LIPM: variants seen among roughly 807,000 people sequenced by gnomAD.
LIPM encodes lipase family member M.
Under a neutral mutation model 42.4 loss-of-function variants are expected in LIPM, and 42 were observed. The observed-to-expected ratio is 0.99, with a 90% CI of 0.77 to 1.28. The LOEUF (loss-of-function observed/expected upper bound fraction) is 1.28. Among genes scored for constraint, LIPM ranks in the 50% most tolerant of loss-of-function variants. The pLI is 0.00. For synonymous variants in LIPM, 177 were observed against 173.3 expected (o/e 1.02, Z -0.17); for missense variants, 524 against 520.1 (o/e 1.01, Z -0.07).
At chr10:88,814,082 T>A (rs1039728450) in intron 3 of LIPM, among the ~76,000 whole-genome samples, 1 of 152,220 alleles carries the variant, frequency 6.6e-6, no homozygotes, top group Non-Finnish European at 1.5e-5. Flanking sequence ...TTACCTCTCA[T>A]GTTCTTACAA....
intron 2 of LIPM, among the ~76,000 whole-genome samples, chr10:88,810,964 A>T (rs1843648033): frequency 6.6e-6 from 1 of 152,244 alleles, no homozygotes; most frequent in African/African-American, 2.4e-5. Flanking sequence ...TGACCAGATT[A>T]GATTTTCAAG....
intron 8 of LIPM, among the ~76,000 whole-genome samples, chr10:88,819,296 C>G (rs1843757372): frequency 6.6e-6 from 1 of 151,994 alleles, no homozygotes; most frequent in African/African-American, 2.4e-5. Flanking sequence ...AGTAAACAAA[C>G]ACACAAAAAA....
chr10:88,817,657 G>A (rs567269722), intron 7 of LIPM, among the ~76,000 whole-genome samples, 168 bp from the exon 8 acceptor site: 45 of 152,230 alleles, frequency 3.0e-4, no homozygotes, highest in Admixed American at 2.7e-3. Context: ...CCTCATTCTT[G>A]TCTTACCATT....
At chr10:88,812,058 T>A (rs1281202577) in intron 2 of LIPM, among the ~76,000 whole-genome samples, 1 of 152,212 alleles carries the variant, frequency 6.6e-6, no homozygotes, top group Non-Finnish European at 1.5e-5. Context: ...GTCTCCTTCA[T>A]AAACAAACAA....
intron 8 of LIPM, among the ~76,000 whole-genome samples, chr10:88,818,855 A>G (rs1397009793): frequency 6.6e-6 from 1 of 152,128 alleles, no homozygotes; most frequent in Non-Finnish European, 1.5e-5. Context: ...ATGTCTTTAG[A>G]GAAAGTATTT....
At chr10:88,819,402 T>G (rs1047193523) in intron 8 of LIPM, among the ~76,000 whole-genome samples, 1 of 152,130 alleles carries the variant, frequency 6.6e-6, no homozygotes, top group Non-Finnish European at 1.5e-5. Flanking sequence ...CCCATAGAAT[T>G]TTTCAACCTT....
At chr10:88,818,348 T>G (rs936254735) in intron 8 of LIPM, among the ~76,000 whole-genome samples, 6 of 152,226 alleles carry the variant, frequency 3.9e-5, no homozygotes, top group African/African-American at 1.4e-4. Context: ...GGAGGGAGGC[T>G]GCTTTAATTT....
At chr10:88,809,574 T>C (rs1395836718) in intron 2 of LIPM, among the ~76,000 whole-genome samples, 1 of 152,238 alleles carries the variant, frequency 6.6e-6, no homozygotes, top group Non-Finnish European at 1.5e-5. Context: ...TACTCACATA[T>C]GTTAAGCAAC....
At chr10:88,804,739 T>C (rs1215574195) in intron 1 of LIPM, among the ~76,000 whole-genome samples, 1 of 152,216 alleles carries the variant, frequency 6.6e-6, no homozygotes, top group Non-Finnish European at 1.5e-5. Flanking sequence ...CAGAAGTTAC[T>C]GTCCCGTTTC....
intron 2 of LIPM, among the ~76,000 whole-genome samples, chr10:88,811,104 A>T (rs1843649918): frequency 7.4e-6 from 1 of 135,720 alleles, no homozygotes; most frequent in South Asian, 2.6e-4. Flanking sequence ...AAGATGCTGG[A>T]TGAGTTTGGT....
intron 3 of LIPM, among the ~76,000 whole-genome samples, chr10:88,813,765 G>A (rs916876379): frequency 7.9e-5 from 12 of 152,168 alleles, no homozygotes; most frequent in African/African-American, 2.7e-4. Context: ...CAGCGGGGCT[G>A]GGGAGGCCTC....
intron 7 of LIPM, 37 bp downstream of exon 7, chr10:88,816,924 C>G: frequency 6.9e-7 from 1 of 1,455,944 alleles, no homozygotes; most frequent in Non-Finnish European, 9.4e-7. Flanking sequence ...GCTAAATGTC[C>G]TGTTATATTT....
intron 8 of LIPM, among the ~76,000 whole-genome samples, chr10:88,818,912 G>T (rs1843751372): frequency 6.6e-6 from 1 of 152,108 alleles, no homozygotes. Flanking sequence ...TTTTGAGACA[G>T]AATCTTGCTC....
At chr10:88,805,843 G>T (rs1564594759) in intron 1 of LIPM, 1 of 388,238 alleles carries the variant, frequency 2.6e-6, no homozygotes, top group Non-Finnish European at 5.2e-6. Flanking sequence ...ATCGCCTGTG[G>T]AAAGGAAGTA....
intron 1 of LIPM, among the ~76,000 whole-genome samples, chr10:88,806,853 T>G (rs1843594782): frequency 6.6e-6 from 1 of 152,030 alleles, no homozygotes; most frequent in Non-Finnish European, 1.5e-5. Flanking sequence ...CCCGGCTAAT[T>G]TTTTTTATTA....
At chr10:88,807,238 A>T (rs1258216545) in intron 1 of LIPM, among the ~76,000 whole-genome samples, 2 of 152,224 alleles carry the variant, frequency 1.3e-5, no homozygotes, top group Non-Finnish European at 2.9e-5. Flanking sequence ...GAACTGAAGC[A>T]TAGGAGCAGT....
intron 3 of LIPM, among the ~76,000 whole-genome samples, 192 bp downstream of exon 3, chr10:88,813,487 G>A (rs1843679460): frequency 6.6e-6 from 1 of 152,132 alleles, no homozygotes; most frequent in Non-Finnish European, 1.5e-5. Context: ...AGTTCCCCAT[G>A]TAGAAGGTGG....
At chr10:88,813,911 G>A (rs904926207) in intron 3 of LIPM, among the ~76,000 whole-genome samples, 2 of 152,026 alleles carry the variant, frequency 1.3e-5, no homozygotes, top group African/African-American at 2.4e-5. Flanking sequence ...TCACTATCAC[G>A]AGAACAGCAC....
chr10:88,814,492 T>G, intron 3 of LIPM, 38 bp from the exon 4 acceptor site: 1 of 1,421,496 alleles, frequency 7.0e-7, no homozygotes, highest in Non-Finnish European at 9.7e-7. Flanking sequence ...TGTTTCTGAT[T>G]ATAATTTTTC....
Sources: allele counts gnomAD v4.1 joint callset (sites outside exome capture counted in the v4.1 genomes callset), GRCh38; gene constraint gnomAD v4.1.1; transcripts MANE v1.5; gene names NCBI Gene and HGNC (gene_info 2026-07-23, HGNC 2026-07-21).